CNTNAP2: variants seen among roughly 807,000 people sequenced by gnomAD.
CNTNAP2 encodes contactin-associated protein-like 2.
In CNTNAP2, 98 loss-of-function variants were observed where a neutral mutation model predicts 155.2. The observed-to-expected ratio is 0.63, with a 90% CI of 0.54 to 0.75. The LOEUF (loss-of-function observed/expected upper bound fraction) is 0.75, where lower values mean the gene tolerates loss of function less well. Ranked by LOEUF, CNTNAP2 falls within the 30% of genes least tolerant of loss-of-function variation. The pLI is 0.00. For missense variants in CNTNAP2, 1,727 were observed against 1,688.1 expected (o/e 1.02, Z -0.40); for synonymous variants, 651 against 631.2 (o/e 1.03, Z -0.47).
chr7:146,718,919 G>T (rs888401231), intron 1 of CNTNAP2, among the ~76,000 whole-genome samples: 3 of 152,238 alleles, frequency 2.0e-5, no homozygotes, highest in East Asian at 1.9e-4. Context: ...ATGTTCACAA[G>T]TTGAAATGGG....
chr7:146,464,356 A>C (rs932909643), intron 1 of CNTNAP2, among the ~76,000 whole-genome samples: 6 of 152,082 alleles, frequency 3.9e-5, no homozygotes, highest in Non-Finnish European at 8.8e-5. Flanking sequence ...AAATTGTCTC[A>C]GTGATGGCAG....
At chr7:147,479,469 A>T (rs769498349) in intron 10 of CNTNAP2, among the ~76,000 whole-genome samples, 42 of 152,244 alleles carry the variant, frequency 2.8e-4, no homozygotes, top group African/African-American at 9.9e-4. Flanking sequence ...GGTTTAATAC[A>T]GTTCAACCTG....
At chr7:147,372,199 C>T (rs891910798) in intron 9 of CNTNAP2, among the ~76,000 whole-genome samples, 10 of 152,108 alleles carry the variant, frequency 6.6e-5, no homozygotes, top group African/African-American at 2.4e-4. Flanking sequence ...CTAAACTTAG[C>T]TAATGTGCTC....
intron 3 of CNTNAP2, among the ~76,000 whole-genome samples, chr7:147,039,658 A>G (rs372216832): frequency 3.7e-4 from 57 of 152,320 alleles, no homozygotes; most frequent in African/African-American, 1.3e-3. Flanking sequence ...TCTTTGTGGT[A>G]GAATGATTTA....
intron 1 of CNTNAP2, among the ~76,000 whole-genome samples, chr7:146,398,838 T>A (rs536296124): frequency 6.6e-6 from 1 of 152,114 alleles, no homozygotes; most frequent in African/African-American, 2.4e-5. Context: ...GAAATCAATA[T>A]TTTTCTTATG....
intron 13 of CNTNAP2, among the ~76,000 whole-genome samples, chr7:147,805,507 C>G (rs1326844865): frequency 4.6e-5 from 7 of 152,140 alleles, no homozygotes; most frequent in Admixed American, 4.6e-4. Context: ...TGTTCCAGAT[C>G]TTAGAGGAAA....
At chr7:146,151,307 A>G (rs1325662734) in intron 1 of CNTNAP2, among the ~76,000 whole-genome samples, 1 of 152,092 alleles carries the variant, frequency 6.6e-6, no homozygotes, top group Non-Finnish European at 1.5e-5. Flanking sequence ...TGTACAATAC[A>G]TTGTGAGTAT....
At chr7:146,873,610 G>T (rs566424864) in intron 3 of CNTNAP2, among the ~76,000 whole-genome samples, 9 of 152,070 alleles carry the variant, frequency 5.9e-5, no homozygotes, top group Non-Finnish European at 1.0e-4. Flanking sequence ...GAATGCAAGT[G>T]GGTCAAGGGA....
intron 1 of CNTNAP2, among the ~76,000 whole-genome samples, chr7:146,738,428 A>G (rs1372774377): frequency 3.3e-5 from 5 of 152,102 alleles, no homozygotes; most frequent in African/African-American, 1.2e-4. Flanking sequence ...TATCAGACAT[A>G]TAGTTTGCAA....
intron 15 of CNTNAP2, among the ~76,000 whole-genome samples, chr7:148,022,641 T>C (rs1802304498): frequency 6.6e-6 from 1 of 151,998 alleles, no homozygotes; most frequent in South Asian, 2.1e-4. Context: ...GCCTGTTTTT[T>C]TGTTTTTGTT....
Position 147,302,330 on chromosome 7 carries a change from C to T in CNTNAP2, c.1498+2040C>T, listed in dbSNP as rs1162392507. ...TTTTATCGATTTCAATCTAGAGGGG[C>T]GAGCACATAGCTGTAACCACACATT... On this transcript the variant is annotated intron_variant, in intron 9 of 23. Transcript: ENST00000361727. 5.3e-5 allele frequency among the ~76,000 whole-genome samples: 8 copies of T among 152,238 alleles called. No individual in the cohort carries two copies. In the East Asian group the frequency reaches 9.7e-4, roughly 18 times the overall value.
At chr7:147,664,549 C>T (rs1187842014) in intron 13 of CNTNAP2, among the ~76,000 whole-genome samples, 4 of 152,154 alleles carry the variant, frequency 2.6e-5, no homozygotes, top group South Asian at 2.1e-4. Flanking sequence ...AAAATAAGCA[C>T]ATTTGGCTGC....
intron 10 of CNTNAP2, among the ~76,000 whole-genome samples, chr7:147,427,446 A>G (rs1797397775): frequency 6.6e-6 from 1 of 152,124 alleles, no homozygotes; most frequent in African/African-American, 2.4e-5. Context: ...ATCAGAGCAA[A>G]CAGAGGCAAC....
chr7:146,557,547 TAA>T (rs1798215346), intron 1 of CNTNAP2, among the ~76,000 whole-genome samples: 1 of 152,062 alleles, frequency 6.6e-6, no homozygotes, highest in African/African-American at 2.4e-5. Context: ...TCAGGGCTGA[TAA>T]GAGGCCCAGT....
At chr7:147,669,073 A>G (rs1006952821) in intron 13 of CNTNAP2, among the ~76,000 whole-genome samples, 2 of 152,258 alleles carry the variant, frequency 1.3e-5, no homozygotes, top group African/African-American at 4.8e-5. Flanking sequence ...CACACTGTAC[A>G]GGTTTATAAC....
At chr7:147,277,594 T>C (rs117485960) in intron 8 of CNTNAP2, among the ~76,000 whole-genome samples, 2 of 151,958 alleles carry the variant, frequency 1.3e-5, no homozygotes, top group South Asian at 2.1e-4. Flanking sequence ...ATTGAATATA[T>C]ATTTACCTTA....
chr7:147,831,596 T>C (rs1798545083), intron 13 of CNTNAP2, among the ~76,000 whole-genome samples: 1 of 152,212 alleles, frequency 6.6e-6, no homozygotes, highest in African/African-American at 2.4e-5. Flanking sequence ...ACCACTCTTA[T>C]TATTCCTAGG....
chr7:147,085,950 C>G (rs747618075), intron 4 of CNTNAP2: 6 of 152,256 alleles, frequency 3.9e-5, no homozygotes, highest in Non-Finnish European at 5.9e-5. Context: ...CAAAGAGTAG[C>G]GTCGTGTTTT....
rs151152112 is a variant in CNTNAP2 at position 148,344,939 on chromosome 7, G to A, written c.3476-38710G>A. On this transcript the variant is annotated intron_variant, in intron 21 of 23. Coordinates refer to ENST00000361727, the MANE Select transcript of CNTNAP2 (RefSeq NM_014141.6). ...GACCTAAGAGGGCAGCACAGTCCAT[G>A]CCGCGATTTAGCCATGAGCTGGGCG... is the stretch of plus-strand genomic sequence containing the variant. 4.0e-3 allele frequency among the ~76,000 whole-genome samples: 604 copies of A among 152,312 alleles called. 2 individuals are homozygous for A. The highest frequency in any genetic ancestry group is 0.013 in the African/African-American group (548 of 41,562).
Sources: gnomAD v4.1 joint callset for allele counts (sites outside exome capture counted in the v4.1 genomes callset) on GRCh38, gnomAD v4.1.1 for gene constraint, MANE v1.5 for transcripts, NCBI Gene and HGNC (gene_info 2026-07-23, HGNC 2026-07-21) for gene names.